Variants in NPR3 observed in about 807,000 individuals in gnomAD.
NPR3 encodes the protein natriuretic peptide receptor 3.
A neutral mutation model predicts 54.5 loss-of-function variants in NPR3; 34 were observed. That is an observed-to-expected ratio of 0.62 (90% CI 0.47 to 0.83). NPR3 has a LOEUF of 0.83. Ranked by LOEUF, NPR3 falls within the 40% of genes least tolerant of loss-of-function variation. The pLI, the probability that NPR3 is intolerant of heterozygous loss-of-function variation, is 0.00. For missense variants in NPR3, 674 were observed against 720.8 expected, an observed-to-expected ratio of 0.94 and a Z score of 0.74; for synonymous variants, 289 against 297.1, an observed-to-expected ratio of 0.97 and a Z score of 0.28.
At chr5:32,748,415 A>G (rs1740409688) in intron 3 of NPR3, among the ~76,000 whole-genome samples, 1 of 143,966 alleles carries the variant, frequency 6.9e-6, no homozygotes, top group Admixed American at 7.1e-5. Flanking sequence ...TGCAAGCCAG[A>G]GATTAGCAAC....
At chr5:32,705,076 C>T (rs1579574632), upstream of NPR3, among the ~76,000 whole-genome samples, 1 of 152,250 alleles carries the variant, frequency 6.6e-6, no homozygotes, top group East Asian at 1.9e-4. Flanking sequence ...ATTTGAGGCA[C>T]TATCAGAGCA....
intron 1 of NPR3, among the ~76,000 whole-genome samples, chr5:32,698,042 T>G (rs62369515): frequency 0.37 from 56,170 of 151,764 alleles, 10,777 homozygotes; most frequent in Middle Eastern, 0.48. Flanking sequence ...GGTTTGATTT[T>G]CTCTTCCTTT....
chr5:32,733,134 C>T (rs912508622), intron 2 of NPR3, among the ~76,000 whole-genome samples: 5 of 152,072 alleles, frequency 3.3e-5, no homozygotes, highest in Middle Eastern at 3.4e-3. Flanking sequence ...CGTGAGCCAC[C>T]GTGCCCGGCC....
chr5:32,734,328 C>T (rs1739615512), intron 2 of NPR3, among the ~76,000 whole-genome samples: 1 of 152,178 alleles, frequency 6.6e-6, no homozygotes, highest in Non-Finnish European at 1.5e-5. Flanking sequence ...TGTGATGTCT[C>T]AGCCACTCAT....
chr5:32,731,656 C>A (rs927769151), intron 2 of NPR3, among the ~76,000 whole-genome samples: 1 of 152,104 alleles, frequency 6.6e-6, no homozygotes, highest in Non-Finnish European at 1.5e-5. Context: ...TAAGTTTATA[C>A]ATTTTTTCTG....
chr5:32,700,061 C>T (rs1740629261), intron 1 of NPR3, among the ~76,000 whole-genome samples: 1 of 152,148 alleles, frequency 6.6e-6, no homozygotes, highest in Admixed American at 6.5e-5. Context: ...ATGTTTGCTG[C>T]CAGATATATT....
intron 3 of NPR3, among the ~76,000 whole-genome samples, chr5:32,741,327 A>C (rs1740028109): frequency 2.0e-5 from 3 of 152,166 alleles, no homozygotes; most frequent in Admixed American, 2.0e-4. Flanking sequence ...CTGAGGTAGG[A>C]GGATCACCTG....
chr5:32,708,952 G>A (rs1323542291), upstream of NPR3, among the ~76,000 whole-genome samples: 1 of 151,122 alleles, frequency 6.6e-6, no homozygotes, highest in East Asian at 1.9e-4. Flanking sequence ...TTGGTTTGGG[G>A]TCTCTTCCCT....
intron 3 of NPR3, among the ~76,000 whole-genome samples, chr5:32,766,113 T>C (rs952246276): frequency 2.6e-5 from 4 of 152,182 alleles, no homozygotes; most frequent in African/African-American, 9.7e-5. Flanking sequence ...GGGGTGCCCA[T>C]TGGTGCTGTG....
At chr5:32,700,587 C>T (rs1394869359) in intron 1 of NPR3, among the ~76,000 whole-genome samples, 8 of 151,652 alleles carry the variant, frequency 5.3e-5, no homozygotes, top group East Asian at 1.9e-4. Flanking sequence ...TGATGTTCCT[C>T]GCCCTGTGTC....
chr5:32,773,020 C>T (rs1741852918), intron 3 of NPR3, among the ~76,000 whole-genome samples: 1 of 151,658 alleles, frequency 6.6e-6, no homozygotes, highest in Admixed American at 6.6e-5. Context: ...TAAGTAGATC[C>T]AGTCACAGAA....
chr5:32,785,802 C>T (rs1372299959), intron 7 of NPR3, among the ~76,000 whole-genome samples: 2 of 152,206 alleles, frequency 1.3e-5, no homozygotes, highest in African/African-American at 4.8e-5. Flanking sequence ...GTGGTTTATT[C>T]ATAAGTCATT....
rs35791187 is a variant in NPR3 at position 32,791,699 on chromosome 5, T to TA, written c.*5360dup. ...TCAGAGTATAACAATGTGTTCTCAT[T>TA]AAAAAATACATCCCACGGAAACCTC... is the stretch of plus-strand genomic sequence containing the variant. On this transcript the variant is annotated 3_prime_UTR_variant, in exon 8 of 8. Coordinates refer to ENST00000265074, the MANE Select transcript of NPR3 (RefSeq NM_001204375.2). The TA allele has an allele frequency of 8.4e-4, 140 of 166,274 alleles. No individual in the cohort carries two copies. The highest frequency in any genetic ancestry group is 3.4e-4 in the Non-Finnish European group (23 of 68,114). The allele number at this position is 166,274 out of a possible 1,614,324, so 10.3% of individuals were successfully genotyped here. A position where few individuals can be genotyped will look rare whatever the true frequency, so the allele number is the denominator to read the frequency against.
At chr5:32,710,496 C>T (rs1412193173), upstream of NPR3, 11 of 694,122 alleles carry the variant, frequency 1.6e-5, no homozygotes, top group Non-Finnish European at 2.3e-5. Context: ...TTTCACTTTC[C>T]TGCTCTCAGT....
intron 3 of NPR3, among the ~76,000 whole-genome samples, chr5:32,754,466 G>A (rs1222530078): frequency 1.3e-5 from 2 of 152,256 alleles, no homozygotes; most frequent in East Asian, 1.9e-4. Flanking sequence ...TGTAGTAACA[G>A]TTTTAAGTGA....
In NPR3 at chr5:32,787,564, T is replaced by C. The variant is rs113986197; in HGVS notation, c.*1219T>C. On this transcript the variant is annotated 3_prime_UTR_variant, in exon 8 of 8. Coordinates refer to ENST00000265074, the MANE Select transcript of NPR3 (RefSeq NM_001204375.2). The stretch of plus-strand genomic sequence containing the variant: ...ACATGGCATTTACCAAAATTCCCAG[T>C]GATTATTTTGTTTAAAAGAGGGAAC... 1.3e-5 allele frequency: 2 copies of C among 152,170 alleles called. No individual in the cohort carries two copies. Among genetic ancestry groups the C allele is most frequent in the East Asian group, 3.9e-4 (2 of 5,194 alleles). The allele number at this position is 152,170 out of a possible 1,614,324, so 9.4% of individuals were successfully genotyped here.
intron 1 of NPR3, among the ~76,000 whole-genome samples, chr5:32,720,000 C>A (rs145460203): frequency 1.3e-5 from 2 of 152,094 alleles, no homozygotes; most frequent in East Asian, 3.8e-4. Flanking sequence ...ATGAATATAT[C>A]CTTATTATTG....
chr5:32,780,788 T>C lies in NPR3; in HGVS notation c.1262T>C (p.Met421Thr), dbSNP rs1445481440. 1.3e-6 allele frequency: 2 copies of C among 1,594,204 alleles called. No homozygotes were observed. Among genetic ancestry groups the C allele is most frequent in the Admixed American group, 1.7e-5 (1 of 59,998 alleles). ...DRYGDFSVIA[M>T]TDVEAGTQEV... ...TATGGGGATTTCTCTGTGATTGCCA[T>C]GACTGATGTGGAGGCGGGCACCCAG... The change falls in exon 5 of 8, where the codon ATG (methionine) becomes ACG (threonine). Residue 421 changes from methionine to threonine, a missense_variant. Physicochemically the swap from Met to Thr is moderately conservative, Grantham distance 81 (BLOSUM62 -1). Transcript: ENST00000265074.
intron 1 of NPR3, among the ~76,000 whole-genome samples, chr5:32,723,192 CCCAGGTCTCT>C (rs1738956021): frequency 6.6e-6 from 1 of 152,146 alleles, no homozygotes; most frequent in African/African-American, 2.4e-5. Flanking sequence ...GTTTATAGCA[CCCAGGTCTCT>C]CCAGGTCTCT....
Sources: allele counts gnomAD v4.1 joint callset (sites outside exome capture counted in the v4.1 genomes callset), GRCh38; gene constraint gnomAD v4.1.1; transcripts MANE v1.5; gene names NCBI Gene and HGNC (gene_info 2026-07-23, HGNC 2026-07-21).